STARD4: variants seen among roughly 807,000 people sequenced by gnomAD.
STARD4 encodes StAR related lipid transfer domain containing 4.
In STARD4, 33 loss-of-function variants were observed where a neutral mutation model predicts 24.9. The observed-to-expected ratio is 1.32, with a 90% confidence interval of 1.00 to 1.77. STARD4 has a LOEUF of 1.77. Ranked by LOEUF, STARD4 falls within the 40% of genes most tolerant of loss-of-function variation. The pLI is 0.00. For missense variants in STARD4, 238 were observed against 249.3 expected (o/e 0.95, Z 0.31); for synonymous variants, 88 against 77.4 (o/e 1.14, Z -0.72).
chr5:111,507,319 A>T lies in STARD4; in HGVS notation c.105+10T>A, dbSNP rs762176411. On this transcript the variant is annotated intron_variant, in intron 2 of 5. Coordinates refer to ENST00000296632, the MANE Select transcript of STARD4 (RefSeq NM_139164.3). This position sits in a 1 kb window ranked among gnomAD's most constrained non-coding sequence, Gnocchi z 4.4. ...ATATACCCCAAATATAAGTAATTGAACTAATTTACCGTTTTCTTAGCAACT... is the reference window on the plus strand; with the variant it reads ...ATATACCCCAAATATAAGTAATTGATCTAATTTACCGTTTTCTTAGCAACT... 2.5e-6 allele frequency: 4 copies of T among 1,604,710 alleles called. No individual in the cohort carries two copies. The highest frequency in any genetic ancestry group is 3.4e-6 in the Non-Finnish European group (4 of 1,173,552).
chr5:111,499,744 A>C lies in STARD4; in HGVS notation c.*142T>G. 2.7e-6 allele frequency: 2 copies of C among 742,948 alleles called. No homozygotes were observed. Among genetic ancestry groups the C allele is most frequent in the Non-Finnish European group, 4.3e-6 (2 of 461,208 alleles). 46.0% of individuals were successfully genotyped at this position (742,948 alleles called of 1,614,324 possible). On this transcript the variant is annotated 3_prime_UTR_variant, in exon 6 of 6. Transcript: ENST00000296632. Reference sequence around the variant, plus strand: ...TAGATAGCTATTTACTTTAGGAATAAAACCAAACATTGTACTAGTGAACCA... The same window carrying C: ...TAGATAGCTATTTACTTTAGGAATACAACCAAACATTGTACTAGTGAACCA...
chr5:111,500,729 C>T (rs1164743958), intron 5 of STARD4: 2 of 1,404,770 alleles, frequency 1.4e-6, no homozygotes, highest in Non-Finnish European at 9.2e-7. Context: ...AATCCATTTA[C>T]TAGAACCCTT....
chr5:111,512,039 C>T (rs868628395), intron 1 of STARD4, among the ~76,000 whole-genome samples: 4 of 152,288 alleles, frequency 2.6e-5, no homozygotes, highest in Middle Eastern at 3.4e-3. Flanking sequence ...TGTCCCAAAT[C>T]AAGCGGGATT....
intron 4 of STARD4, among the ~76,000 whole-genome samples, chr5:111,501,388 C>T (rs1306439404): frequency 6.6e-6 from 1 of 152,156 alleles, no homozygotes; most frequent in African/African-American, 2.4e-5. Flanking sequence ...TTCTACATAA[C>T]ATTCCAAATG....
chr5:111,505,135 A>T (rs1026106961), intron 3 of STARD4: 6 of 423,232 alleles, frequency 1.4e-5, no homozygotes, highest in Non-Finnish European at 2.3e-5. Flanking sequence ...TCATTCCTTA[A>T]GAAATACTTA....
intron 5 of STARD4, chr5:111,500,368 A>G (rs1179899445): frequency 5.2e-6 from 6 of 1,144,020 alleles, no homozygotes; most frequent in Non-Finnish European, 6.4e-6. Flanking sequence ...CTTGGAAGCT[A>G]CAAATCTTGG....
At position 111,496,709 on chromosome 5, in the gene STARD4, T is replaced by C. The variant is rs557440251; in HGVS notation, c.*3177A>G. ...GAGATATTAATTGAATTCAGCATGA[T>C]TGTTGATAAAATGCCCTTTGGTTAG... On this transcript the variant is annotated 3_prime_UTR_variant, in exon 6 of 6. Transcript: ENST00000296632. 1.3e-5 allele frequency: 2 copies of C among 152,128 alleles called. No homozygotes were observed. Among genetic ancestry groups the C allele is most frequent in the South Asian group, 4.1e-4 (2 of 4,822 alleles). The allele number at this position is 152,128 out of a possible 1,614,324, so 9.4% of individuals were successfully genotyped here. A position where few individuals can be genotyped will look rare whatever the true frequency, so the allele number is the denominator to read the frequency against.
chr5:111,503,082 C>T (rs537409753), intron 3 of STARD4, among the ~76,000 whole-genome samples: 1 of 151,966 alleles, frequency 6.6e-6, no homozygotes, highest in East Asian at 1.9e-4. Context: ...AATATTTTTA[C>T]CCTGACTTTT....
chr5:111,506,895 C>G (rs997006427), intron 2 of STARD4, among the ~76,000 whole-genome samples: 1 of 152,148 alleles, frequency 6.6e-6, no homozygotes, highest in Non-Finnish European at 1.5e-5. Flanking sequence ...AGAATTAGTT[C>G]TAGCAACACT....
rs765400633 is a variant in STARD4 at position 111,507,452 on chromosome 5, A to C, written c.-9-10T>G. 1.9e-6 allele frequency: 3 copies of C among 1,604,518 alleles called. No individual in the cohort carries two copies. The highest frequency in any genetic ancestry group is 2.6e-6 in the Non-Finnish European group (3 of 1,174,850). On this transcript the variant is annotated splice_polypyrimidine_tract_variant and intron_variant, in intron 1 of 5. Coordinates refer to ENST00000296632, the MANE Select transcript of STARD4 (RefSeq NM_139164.3). This position sits in a 1 kb window ranked among gnomAD's most constrained non-coding sequence, Gnocchi z 4.4. ...CTTCCATTACTTCTCTCTGTTATGG[A>C]GACCAAGATTAGCATCAGCAAATAC... is the stretch of plus-strand genomic sequence containing the variant.
At chr5:111,510,953 G>A (rs929371269) in intron 1 of STARD4, among the ~76,000 whole-genome samples, 1 of 152,298 alleles carries the variant, frequency 6.6e-6, no homozygotes, top group Middle Eastern at 3.4e-3. Context: ...GTATCAGAAC[G>A]GTCTAACCTT....
At chr5:111,501,609 A>G (rs1032817692) in intron 4 of STARD4, among the ~76,000 whole-genome samples, 1 of 152,248 alleles carries the variant, frequency 6.6e-6, no homozygotes, top group African/African-American at 2.4e-5. Context: ...ATTAATGGAA[A>G]AGCTGCACAC....
rs1302013745 is a variant in STARD4 at position 111,500,263 on chromosome 5, T to TTA, written c.398-159_398-158dup. 197 of 1,351,684 alleles carry TTA rather than the reference T, an allele frequency of 1.5e-4. 1 individual carries two copies. In the Middle Eastern group the frequency reaches 1.9e-3, roughly 13 times the overall value. 83.7% of individuals were successfully genotyped at this position (1,351,684 alleles called of 1,614,324 possible). A position where few individuals can be genotyped will look rare whatever the true frequency, so the allele number is the denominator to read the frequency against. On this transcript the variant is annotated intron_variant, in intron 5 of 5. Coordinates refer to ENST00000296632, the MANE Select transcript of STARD4 (RefSeq NM_139164.3). ...GACCATGGCAGAGTGAAAAAGAGAC[T>TTA]TACCAAGGAGAATTCTGACAAGAGG...
Position 111,506,325 on chromosome 5 carries a change from CT to C in STARD4, c.155+4del. The C allele has an allele frequency of 6.9e-7, 1 of 1,453,156 alleles. No homozygotes were observed. The highest frequency in any genetic ancestry group is 9.4e-7 in the Non-Finnish European group (1 of 1,060,846). The allele number at this position is 1,453,156 out of a possible 1,614,324, so 90.0% of individuals were successfully genotyped here. ...AGCTGTGTAAGTCTATAAAAAGTTA[CT>C]TACAGATATCCATTAAATTCTTCTG... On this transcript the variant is annotated splice_donor_region_variant and intron_variant, in intron 3 of 5. Transcript: ENST00000296632.
chr5:111,509,616 T>C (rs571048151), intron 1 of STARD4, among the ~76,000 whole-genome samples: 4 of 152,294 alleles, frequency 2.6e-5, no homozygotes, highest in Admixed American at 2.6e-4. Flanking sequence ...AATTATTCAC[T>C]TGTTATCTTC....
chr5:111,499,778 T>G lies in STARD4; in HGVS notation c.*108A>C, dbSNP rs1756288418. On this transcript the variant is annotated 3_prime_UTR_variant, in exon 6 of 6. Transcript: ENST00000296632. ...ATTGTACTAGTGAACCAAAAACATT[T>G]CAAATTTTTCTACCGGCTATGCAGA... The G allele has an allele frequency of 9.6e-7, 1 of 1,036,814 alleles. No homozygotes were observed. The highest frequency in any genetic ancestry group is 2.5e-5 in the East Asian group (1 of 39,426). 64.2% of individuals were successfully genotyped at this position (1,036,814 alleles called of 1,614,324 possible).
chr5:111,505,770 T>G (rs2112561704), intron 3 of STARD4, among the ~76,000 whole-genome samples: 1 of 152,334 alleles, frequency 6.6e-6, no homozygotes, highest in Non-Finnish European at 1.5e-5. Context: ...GGGTCATGTA[T>G]ACAATGCTAA....
chr5:111,500,935 A>G, intron 5 of STARD4, 67 bp downstream of exon 5: 1 of 1,611,112 alleles, frequency 6.2e-7, no homozygotes, highest in South Asian at 1.1e-5. Flanking sequence ...GGAAAGAGAC[A>G]TCCAGCCAAG....
At chr5:111,500,844 T>C in intron 5 of STARD4, 158 bp downstream of exon 5, 6 of 1,530,416 alleles carry the variant, frequency 3.9e-6, no homozygotes, top group Non-Finnish European at 5.2e-6. Flanking sequence ...TCTTTTGATA[T>C]TGCTATTTTA....
Sources: gnomAD v4.1 joint callset for allele counts (sites outside exome capture counted in the v4.1 genomes callset) on GRCh38, gnomAD v4.1.1 for gene constraint, Gnocchi (gnomAD v3.1) non-coding constraint, MANE v1.5 for transcripts, NCBI Gene and HGNC (gene_info 2026-07-23, HGNC 2026-07-21) for gene names.